The following LPA variants were observed in gnomAD, a reference collection of about 807,000 sequenced individuals.
LPA encodes the protein lipoprotein(a), also known as apolipoprotein(a).
LPA carries 199 observed loss-of-function variants against 197.9 expected under a neutral mutation model. The observed-to-expected ratio is 1.01, with a 90% CI of 0.90 to 1.13. The LOEUF (loss-of-function observed/expected upper bound fraction) is 1.13. LPA is among the 50% of genes most tolerant of loss of function. The pLI is 0.00. For synonymous variants in LPA, 715 were observed against 639.5 expected (o/e 1.12, Z -1.78); for missense variants, 1,853 against 1,785.8 (o/e 1.04, Z -0.68).
intron 28 of LPA, among the ~76,000 whole-genome samples, chr6:160,572,366 C>T (rs368892254): frequency 1.3e-5 from 2 of 152,134 alleles, no homozygotes; most frequent in Non-Finnish European, 2.9e-5. Context: ...TTAAGTGGAG[C>T]ATTTAGGCCA....
At chr6:160,611,836 C>T in intron 15 of LPA, 115 bp from the exon 16 acceptor site, 1 of 987,804 alleles carries the variant, frequency 1.0e-6, no homozygotes. Context: ...TTATCTTTCC[C>T]TTACCTGTAG....
chr6:160,531,812 A>G lies in LPA; in HGVS notation c.6040T>C (p.Cys2014Arg), dbSNP rs1261357774. 1 of 1,614,156 alleles carries G rather than the reference A, an allele frequency of 6.2e-7. No individual in the cohort carries two copies. ...LQGVTSWGLG[C>R]ARPNKPGVYA... is the part of the protein sequence containing the mutation. The stretch of plus-strand genomic sequence containing the variant: ...ACACCAGGCTTATTGGGGCGTGCAC[A>G]GCCAAGACCCCAAGAAGTGACTCCT... Residue 2014 changes from cysteine to arginine, a missense_variant, in exon 39 of 39, where the codon TGT (cysteine) becomes CGT (arginine). Physicochemically the swap from Cys to Arg is radical, Grantham distance 180. This residue lies in a region of LPA where 1,737 missense variants were observed against 1,504.4 expected (regional missense o/e 1.15). Coordinates refer to ENST00000316300, the MANE Select transcript of LPA (RefSeq NM_005577.4).
chr6:160,611,540 A>G (rs773697871), intron 16 of LPA, 22 bp downstream of exon 16: 1 of 1,607,092 alleles, frequency 6.2e-7, no homozygotes, highest in Non-Finnish European at 8.5e-7. Context: ...TTATTCTCTT[A>G]TGGTAAAGAA....
rs1299567827 is a variant in LPA, at chr6:160,650,380, G to A, written c.167C>T (p.Thr56Ile). The A allele has an allele frequency of 3.7e-6, 6 of 1,613,804 alleles. No individual in the cohort carries two copies. Among genetic ancestry groups the A allele is most frequent in the Non-Finnish European group, 5.1e-6 (6 of 1,179,856 alleles). The change falls in exon 2 of 39, where the codon ACA becomes ATA. Residue 56 changes from threonine (T) to isoleucine (I), a missense_variant. Physicochemically the swap from Thr to Ile is moderately conservative, Grantham distance 89. This residue lies in a region of LPA where 88 missense variants were observed against 83.0 expected (regional missense o/e 1.06). Transcript: ENST00000316300. ...GRTCQAWSSM[T>I]PHQHNRTTEN... is the part of the protein sequence containing the mutation. ...TGTGGTCCTATTATGTTGATGTGGT[G>A]TCATAGATGACCAAGCTTGGCAGGT... is the stretch of plus-strand genomic sequence containing the variant.
chr6:160,577,358 AT>A, intron 27 of LPA, 63 bp from the exon 28 acceptor site: 1 of 1,485,380 alleles, frequency 6.7e-7, no homozygotes, highest in Non-Finnish European at 9.4e-7. Context: ...ATGGGAGACA[AT>A]TTATGTCACA....
In LPA at chr6:160,589,560, G is replaced by A. The variant is rs200783903; in HGVS notation, c.3940C>T (p.Pro1314Ser). 4.6e-5 allele frequency: 74 copies of A among 1,613,542 alleles called. No homozygotes were observed. Among genetic ancestry groups the A allele is most frequent in the Middle Eastern group, 3.4e-4 (2 of 5,964 alleles). Reference sequence around the variant, plus strand: ...GAAAACTCAAAGACATACCCATTTGGGTAGTATTCTGTGGTTCTCTGATGC... The same window carrying A: ...GAAAACTCAAAGACATACCCATTTGAGTAGTATTCTGTGGTTCTCTGATGC... Reference protein sequence around the residue: ...HWHQRTTEYYPNGGLTRNYCR... With the variant: ...HWHQRTTEYYSNGGLTRNYCR... Residue 1314 changes from proline (P) to serine (S), a missense_variant, in exon 24 of 39, where the codon CCA (proline) becomes TCA (serine). Pro to Ser is a moderately conservative substitution (Grantham distance 74). Coordinates refer to ENST00000316300, the MANE Select transcript of LPA (RefSeq NM_005577.4).
rs575084494 is a variant in LPA, at chr6:160,610,342, G to T, written c.2603+1220C>A. On this transcript the variant is annotated intron_variant, in intron 16 of 38. Transcript: ENST00000316300. ...TTGCTTTTCAGCTGTGCAAGGGGTTGTCTGCAGCTGCCTTTATTCTAGTAA... is the reference window on the plus strand; with the variant it reads ...TTGCTTTTCAGCTGTGCAAGGGGTTTTCTGCAGCTGCCTTTATTCTAGTAA... Among the ~76,000 whole-genome samples, 7 of 152,266 alleles carry T rather than the reference G, an allele frequency of 4.6e-5. No homozygotes were observed. In the East Asian group the frequency reaches 1.3e-3, roughly 29 times the overall value.
At chr6:160,574,893 G>C (rs966408382) in intron 28 of LPA, among the ~76,000 whole-genome samples, 1 of 152,164 alleles carries the variant, frequency 6.6e-6, no homozygotes, top group African/African-American at 2.4e-5. Context: ...TCTGTCCAGA[G>C]CTGCAATCTA....
intron 18 of LPA, among the ~76,000 whole-genome samples, chr6:160,603,170 T>A (rs543074810): frequency 6.6e-6 from 1 of 151,936 alleles, no homozygotes; most frequent in Non-Finnish European, 1.5e-5. Context: ...ATGCAGGAAA[T>A]CTTTTTATAT....
chr6:160,596,393 C>CTT (rs572282171), intron 20 of LPA, among the ~76,000 whole-genome samples: 75 of 143,328 alleles, frequency 5.2e-4, no homozygotes, highest in African/African-American at 1.9e-3. Context: ...CTCTTATTTG[C>CTT]TTTTTTTTTT....
At chr6:160,652,112 A>C (rs1168340375) in intron 1 of LPA, among the ~76,000 whole-genome samples, 1 of 151,422 alleles carries the variant, frequency 6.6e-6, no homozygotes, top group Non-Finnish European at 1.5e-5. Context: ...GAATACAGAG[A>C]GAGAGAAGTG....
chr6:160,555,174 A>G (rs1240059806), intron 30 of LPA, among the ~76,000 whole-genome samples: 1 of 150,290 alleles, frequency 6.7e-6, no homozygotes, highest in Non-Finnish European at 1.5e-5. Flanking sequence ...TCTCCTGGCA[A>G]CCCATATCCC....
Position 160,611,611 on chromosome 6 carries a change from A to C in LPA, c.2554T>G (p.Ser852Ala). 1 of 1,600,118 alleles carries C rather than the reference A, an allele frequency of 6.2e-7. No individual in the cohort carries two copies. The highest frequency in any genetic ancestry group is 8.5e-7 in the Non-Finnish European group (1 of 1,177,380). ...VTGRTCQAWS[S>A]MTPHSHSRTP... ...CGACTATGCGAGTGTGGTGTCATAG[A>C]TGACCAAGCTTGGCAGGTTCTTCCA... Residue 852 changes from serine to alanine, a missense_variant, in exon 16 of 39, where the codon TCT (serine) becomes GCT (alanine). Ser to Ala is a moderately conservative substitution (Grantham distance 99). Around this residue, in one of 3 missense-constraint regions of LPA, gnomAD observed 1,737 missense variants for 1,504.4 expected, o/e 1.15. Coordinates refer to ENST00000316300, the MANE Select transcript of LPA (RefSeq NM_005577.4).
intron 30 of LPA, among the ~76,000 whole-genome samples, chr6:160,551,446 G>T (rs923461408): frequency 6.6e-6 from 1 of 152,178 alleles, no homozygotes; most frequent in African/African-American, 2.4e-5. Flanking sequence ...CCATTTGTCA[G>T]ATATATGGAC....
chr6:160,561,624 GA>G (rs935937922), intron 28 of LPA, among the ~76,000 whole-genome samples: 4 of 152,200 alleles, frequency 2.6e-5, no homozygotes, highest in Non-Finnish European at 5.9e-5. Context: ...ATGGTAGCTT[GA>G]TGGGGATAAC....
intron 18 of LPA, among the ~76,000 whole-genome samples, chr6:160,603,761 C>A (rs1779289784): frequency 6.6e-6 from 1 of 152,206 alleles, no homozygotes; most frequent in Non-Finnish European, 1.5e-5. Context: ...CTCTCCCAGG[C>A]AGTTAATTGA....
At chr6:160,559,919 T>G (rs1778333306) in intron 28 of LPA, among the ~76,000 whole-genome samples, 1 of 152,224 alleles carries the variant, frequency 6.6e-6, no homozygotes, top group Admixed American at 6.5e-5. Context: ...TAGGTATTTC[T>G]CCTAATCCAA....
Position 160,635,106 on chromosome 6 carries a change from G to C in LPA, c.1075+17C>G. ...CCAGCATCGAAGCGTGTAGATGTCTGGCCACAGACTCCTTACCTTGTTCGG... is the reference window on the plus strand; with the variant it reads ...CCAGCATCGAAGCGTGTAGATGTCTCGCCACAGACTCCTTACCTTGTTCGG... On this transcript the variant is annotated intron_variant, in intron 7 of 38. Coordinates refer to ENST00000316300, the MANE Select transcript of LPA (RefSeq NM_005577.4). 1 of 1,433,436 alleles carries C rather than the reference G, an allele frequency of 7.0e-7. No individual in the cohort carries two copies. Among genetic ancestry groups the C allele is most frequent in the South Asian group, 1.1e-5 (1 of 87,172 alleles). 88.8% of individuals were successfully genotyped at this position (1,433,436 alleles called of 1,614,324 possible).
At chr6:160,651,418 A>G (rs1168172180) in intron 1 of LPA, among the ~76,000 whole-genome samples, 1 of 152,256 alleles carries the variant, frequency 6.6e-6, no homozygotes, top group East Asian at 1.9e-4. Flanking sequence ...AAAAGATAGC[A>G]GCAACCCATC....
Sources: gnomAD v4.1 joint callset for allele counts (sites outside exome capture counted in the v4.1 genomes callset) on GRCh38, gnomAD v4.1.1 for gene constraint, gnomAD v4.1.1 regional missense constraint, MANE v1.5 for transcripts, NCBI Gene and HGNC (gene_info 2026-07-23, HGNC 2026-07-21) for gene names.